The following USP14 variants were observed in gnomAD, a reference collection of about 807,000 sequenced individuals.
The protein encoded by USP14 is ubiquitin specific peptidase 14.
Under a neutral mutation model 76.5 loss-of-function variants are expected in USP14, and 38 were observed. The observed-to-expected ratio is 0.50, with a 90% confidence interval of 0.38 to 0.65. USP14 has a LOEUF of 0.65. Ranked by LOEUF, USP14 falls within the 30% of genes least tolerant of loss-of-function variation. USP14 has a pLI of 0.00. For missense variants in USP14, 467 were observed against 586.5 expected, an observed-to-expected ratio of 0.80 and a Z score of 2.10; for synonymous variants, 192 against 191.7, an observed-to-expected ratio of 1.00 and a Z score of -0.01.
chr18:168,100 A>G (rs1014417522), intron 3 of USP14, among the ~76,000 whole-genome samples: 2 of 151,280 alleles, frequency 1.3e-5, no homozygotes, highest in Admixed American at 1.3e-4. Flanking sequence ...TAACTTTTGT[A>G]TTTTTAGTAG....
intron 5 of USP14, among the ~76,000 whole-genome samples, chr18:188,875 C>T (rs1910009874): frequency 6.6e-6 from 1 of 152,060 alleles, no homozygotes. Context: ...GACGTGGTTT[C>T]ACCATGTTGG....
In USP14 at chr18:203,337, T is replaced by TTAC. The variant is rs1292082928; in HGVS notation, c.1035+147_1035+148insTAC. 4.1e-6 allele frequency: 3 copies of TTAC among 740,248 alleles called. No individual in the cohort carries two copies. In the East Asian group the frequency reaches 8.2e-5, roughly 20 times the overall value. The allele number at this position is 740,248 out of a possible 1,614,324, so 45.9% of individuals were successfully genotyped here. ...TAATATTAGACAAGTGATTCTTAAC[T>TTAC]CAGAACGTATATTAGAATTATCTAT... On this transcript the variant is annotated intron_variant, in intron 12 of 15. Transcript: ENST00000261601.
chr18:199,631 C>T (rs1330924818), intron 10 of USP14, among the ~76,000 whole-genome samples: 1 of 152,080 alleles, frequency 6.6e-6, no homozygotes, highest in Non-Finnish European at 1.5e-5. Flanking sequence ...TCTAGTGTTT[C>T]TAGGTGTGGG....
Position 196,764 on chromosome 18 carries a change from A to T in USP14, c.591A>T (p.Gln197His). 1 of 1,612,990 alleles carries T rather than the reference A, an allele frequency of 6.2e-7. No homozygotes were observed. The highest frequency in any genetic ancestry group is 8.5e-7 in the Non-Finnish European group (1 of 1,179,770). The change falls in exon 7 of 16, where the codon CAA becomes CAT. Residue 197 changes from glutamine to histidine, a missense_variant. Gln to His is a conservative substitution (Grantham distance 24). Coordinates refer to ENST00000261601, the MANE Select transcript of USP14 (RefSeq NM_005151.4). ...AAGGTGAACAAGGACAGTATCTTCA[A>T]CAGGTAATTAGGGCAAGGTATTTTT... ...AEKGEQGQYL[Q>H]QDANECWIQM...
Position 199,302 on chromosome 18 carries a change from A to C in USP14, c.862A>C (p.Thr288Pro). The stretch of plus-strand genomic sequence containing the variant: ...CAATCAGGAAGTCAAGTATCTTTTT[A>C]CAGGACTTAAATTGGTAAGGACAAT... ...FINQEVKYLF[T>P]GLKLRLQEEI... Residue 288 changes from threonine to proline, a missense_variant, in exon 10 of 16, where the codon ACA (threonine) becomes CCA (proline). Coordinates refer to ENST00000261601, the MANE Select transcript of USP14 (RefSeq NM_005151.4). The C allele has an allele frequency of 6.2e-7, 1 of 1,611,476 alleles. No homozygotes were observed. Among genetic ancestry groups the C allele is most frequent in the Non-Finnish European group, 8.5e-7 (1 of 1,177,842 alleles).
At chr18:188,290 A>G (rs1909988679) in intron 5 of USP14, among the ~76,000 whole-genome samples, 1 of 152,178 alleles carries the variant, frequency 6.6e-6, no homozygotes, top group Admixed American at 6.5e-5. Flanking sequence ...TGTTAAAATT[A>G]TCAAATGTTG....
intron 10 of USP14, among the ~76,000 whole-genome samples, chr18:201,607 C>G (rs1299281732): frequency 3.3e-5 from 5 of 152,152 alleles, no homozygotes; most frequent in African/African-American, 1.2e-4. Context: ...CACAAAACTT[C>G]TTAACCCCCA....
chr18:179,500 G>C (rs1909721247), intron 4 of USP14, among the ~76,000 whole-genome samples: 1 of 150,034 alleles, frequency 6.7e-6, no homozygotes, highest in African/African-American at 2.4e-5. Context: ...AATCAGTTTA[G>C]AAACTGGTCA....
intron 12 of USP14, 24 bp downstream of exon 12, chr18:203,214 A>T: frequency 6.3e-7 from 1 of 1,584,010 alleles, no homozygotes; most frequent in Non-Finnish European, 8.6e-7. Context: ...TTTACTTTGT[A>T]TAAGAAATGT....
intron 10 of USP14, among the ~76,000 whole-genome samples, chr18:199,523 G>T (rs1910329795): frequency 6.6e-6 from 1 of 152,106 alleles, no homozygotes; most frequent in Admixed American, 6.5e-5. Context: ...TACCATTTTA[G>T]CAGGAATGTT....
At position 210,415 on chromosome 18, in the gene USP14, G is replaced by A. The variant is rs929396040; in HGVS notation, c.1255G>A (p.Asp419Asn). The A allele has an allele frequency of 2.5e-6, 4 of 1,608,418 alleles. No individual in the cohort carries two copies. The African/African-American group carries it at 5.4e-5, about 22-fold the overall frequency. The change falls in exon 15 of 16, where the codon GAC becomes AAC. Residue 419 changes from aspartate (D) to asparagine (N), a missense_variant. By Grantham distance (23) the Asp-to-Asn change is conservative. Transcript: ENST00000261601. The part of the protein sequence containing the change: ...DIGSNNCGYY[D>N]LQAVLTHQGR... ...TGGCTCCAATAATTGTGGATACTAT[G>A]ACTTACAAGCAGTACTAACACACCA... is the stretch of plus-strand genomic sequence containing the variant.
chr18:211,264 G>T lies in USP14; in HGVS notation c.1465G>T (p.Glu489Ter). The change falls in exon 16 of 16, where the codon GAA becomes TAA. Residue 489 changes from glutamate to a stop codon, truncating the protein, a stop_gained. Transcript: ENST00000261601. LOFTEE classifies it high-confidence loss of function. ...LYGPRRVEIM[E>*]EESEQ is the part of the protein sequence containing the mutation. Reference sequence around the variant, plus strand: ...TGGGCCTCGCAGAGTTGAAATAATGGAAGAGGAAAGTGAACAGTAATCTTC... The same window carrying T: ...TGGGCCTCGCAGAGTTGAAATAATGTAAGAGGAAAGTGAACAGTAATCTTC... 6.2e-7 allele frequency: 1 copy of T among 1,610,332 alleles called. No individual in the cohort carries two copies. Among genetic ancestry groups the T allele is most frequent in the Non-Finnish European group, 8.5e-7 (1 of 1,178,288 alleles).
chr18:209,844 G>A, intron 13 of USP14, 127 bp from the exon 14 acceptor site: 2 of 631,244 alleles, frequency 3.2e-6, no homozygotes, highest in Admixed American at 7.0e-5. Context: ...TAGTAATTTG[G>A]AAGGTAGACT....
rs145294436 is a variant in USP14 at position 189,630 on chromosome 18, G to A, written c.405-3212G>A. Among the ~76,000 whole-genome samples the A allele has an allele frequency of 4.6e-5, 7 of 152,106 alleles. No homozygotes were observed. In the East Asian group the frequency reaches 1.2e-3, roughly 25 times the overall value. On this transcript the variant is annotated intron_variant, in intron 5 of 15. Coordinates refer to ENST00000261601, the MANE Select transcript of USP14 (RefSeq NM_005151.4). ...CCTGAGTAGCTGGGACTACAGGCGC[G>A]TGTCACAACGCCCAGCTAGTTTTTG... is the stretch of plus-strand genomic sequence containing the variant.
chr18:209,599 TCCC>T (rs1567837722), intron 13 of USP14, among the ~76,000 whole-genome samples: 1 of 152,148 alleles, frequency 6.6e-6, no homozygotes, highest in African/African-American at 2.4e-5. Context: ...AGTTGTTTTT[TCCC>T]CCCACCTCTG....
At chr18:164,698 C>T (rs1909220759) in intron 2 of USP14, among the ~76,000 whole-genome samples, 1 of 152,144 alleles carries the variant, frequency 6.6e-6, no homozygotes, top group Non-Finnish European at 1.5e-5. Flanking sequence ...AAGTGATCTG[C>T]CCACCTTGGC....
chr18:179,781 T>G (rs1188424673), intron 4 of USP14, among the ~76,000 whole-genome samples: 2 of 150,896 alleles, frequency 1.3e-5, no homozygotes, highest in African/African-American at 2.4e-5. Context: ...TTTTTTTTTT[T>G]GTAGAGATGG....
chr18:212,781 A>G lies in USP14; in HGVS notation c.*1497A>G, dbSNP rs573167467. 34 of 152,328 alleles carry G rather than the reference A, an allele frequency of 2.2e-4. No homozygotes were observed. Among genetic ancestry groups the G allele is most frequent in the African/African-American group, 8.2e-4 (34 of 41,580 alleles). The allele number at this position is 152,328 out of a possible 1,614,324, so 9.4% of individuals were successfully genotyped here. A position where few individuals can be genotyped will look rare whatever the true frequency, so the allele number is the denominator to read the frequency against. Reference sequence around the variant, plus strand: ...ACTGATGCTAGGGAAAGGATAAAGCATAGAATACCAGCCAGTTTGGCTCTG... The same window carrying G: ...ACTGATGCTAGGGAAAGGATAAAGCGTAGAATACCAGCCAGTTTGGCTCTG... On this transcript the variant is annotated 3_prime_UTR_variant, in exon 16 of 16. Transcript: ENST00000261601.
intron 5 of USP14, among the ~76,000 whole-genome samples, chr18:184,541 C>T (rs1335350136): frequency 6.6e-6 from 1 of 152,058 alleles, no homozygotes; most frequent in Non-Finnish European, 1.5e-5. Flanking sequence ...CTCACTTGAG[C>T]TTAGGAATTT....
Sources: allele counts gnomAD v4.1 joint callset (sites outside exome capture counted in the v4.1 genomes callset), GRCh38; gene constraint gnomAD v4.1.1; transcripts MANE v1.5; gene names NCBI Gene and HGNC (gene_info 2026-07-23, HGNC 2026-07-21).